The following OR4M1 variants were observed in gnomAD, a reference collection of about 807,000 sequenced individuals.
OR4M1 encodes olfactory receptor family 4 subfamily M member 1.
In OR4M1, 7 loss-of-function variants were observed where a neutral mutation model predicts 9.8. That is an observed-to-expected ratio of 0.71 (90% CI 0.41 to 1.34). OR4M1 has a LOEUF of 1.34. Ranked by LOEUF, OR4M1 falls within the 40% of genes most tolerant of loss-of-function variation. The pLI, the probability that OR4M1 is intolerant of heterozygous loss-of-function variation, is 0.01. For synonymous variants in OR4M1, 121 were observed against 139.8 expected (o/e 0.87, Z 0.95); for missense variants, 331 against 380.4 (o/e 0.87, Z 1.08).
In OR4M1 at chr14:19,780,543, C is replaced by A; in HGVS notation, c.221C>A (p.Ser74Tyr). The A allele has an allele frequency of 1.2e-6, 2 of 1,614,222 alleles. No individual in the cohort carries two copies. The highest frequency in any genetic ancestry group is 1.7e-6 in the Non-Finnish European group (2 of 1,180,026). Residue 74 changes from serine to tyrosine, a missense_variant, in exon 2 of 2, where the codon TCT (serine) becomes TAT (tyrosine). Ser to Tyr is a moderately radical substitution (Grantham distance 144, BLOSUM62 -2). This residue lies in a region of OR4M1 where 209 missense variants were observed against 200.0 expected (regional missense o/e 1.04). Coordinates refer to ENST00000641200, the MANE Select transcript of OR4M1 (RefSeq NM_001005500.2). ...CTGGCCCTCCTTGATATTTGGTACT[C>A]TTCCATTACAGCCCCTAAAATGCTC... ...ANLALLDIWY[S>Y]SITAPKMLID...
intron 1 of OR4M1, among the ~76,000 whole-genome samples, chr14:19,774,389 T>C (rs183341427): frequency 1.5e-3 from 222 of 152,202 alleles, no homozygotes; most frequent in African/African-American, 5.2e-3. Flanking sequence ...TCCATCCATC[T>C]ATCCATTTAA....
At chr14:19,779,403 A>G (rs538955658) in intron 1 of OR4M1, among the ~76,000 whole-genome samples, 1 of 152,356 alleles carries the variant, frequency 6.6e-6, no homozygotes, top group East Asian at 1.9e-4. Context: ...AGAAAAGCAT[A>G]TTTGGTAACG....
intron 1 of OR4M1, among the ~76,000 whole-genome samples, chr14:19,775,645 A>G (rs1261292226): frequency 6.8e-6 from 1 of 146,842 alleles, no homozygotes; most frequent in Non-Finnish European, 1.5e-5. Context: ...ATATATTTTA[A>G]TATACTTCAA....
chr14:19,778,948 C>T lies in OR4M1; in HGVS notation c.-29-1346C>T, dbSNP rs866787545. Among the ~76,000 whole-genome samples the T allele has an allele frequency of 3.3e-5, 5 of 152,266 alleles. No individual in the cohort carries two copies. In the South Asian group the frequency reaches 1.0e-3, roughly 32 times the overall value. ...AAATTGATCCCTTTTCTAAATAGTC[C>T]CACATTACTCAATTTCTGAGTATTT... On this transcript the variant is annotated intron_variant, in intron 1 of 1. Transcript: ENST00000641200.
intron 1 of OR4M1, among the ~76,000 whole-genome samples, chr14:19,775,653 C>A (rs117525898): frequency 7.6e-5 from 11 of 144,162 alleles, no homozygotes; most frequent in Non-Finnish European, 1.5e-4. Flanking sequence ...TAATATACTT[C>A]AATATATTCA....
rs148936935 is a variant in OR4M1, at chr14:19,780,490, T to G, written c.168T>G (p.Thr56=). 6.2e-7 allele frequency: 1 copy of G among 1,614,126 alleles called. No individual in the cohort carries two copies. Among genetic ancestry groups the G allele is most frequent in the Non-Finnish European group, 8.5e-7 (1 of 1,180,008 alleles). Residue 56 remains threonine (T), a synonymous_variant, in exon 2 of 2, where the codon ACT becomes ACG. Coordinates refer to ENST00000641200, the MANE Select transcript of OR4M1 (RefSeq NM_001005500.2). ...ICTIRLDPHL[T]SPMYFLLANL... is the part of the protein sequence containing the mutation. Reference sequence around the variant, plus strand: ...CCATCAGGCTAGACCCTCATCTGACTTCTCCTATGTATTTCCTGTTGGCTA... The same window carrying G: ...CCATCAGGCTAGACCCTCATCTGACGTCTCCTATGTATTTCCTGTTGGCTA...
At chr14:19,779,641 G>A (rs565022858) in intron 1 of OR4M1, among the ~76,000 whole-genome samples, 2 of 152,220 alleles carry the variant, frequency 1.3e-5, no homozygotes, top group Non-Finnish European at 2.9e-5. Flanking sequence ...ACTCAATGTA[G>A]TATCAGGTAT....
intron 1 of OR4M1, among the ~76,000 whole-genome samples, chr14:19,774,391 T>A (rs1412435563): frequency 5.9e-5 from 9 of 152,240 alleles, no homozygotes; most frequent in Non-Finnish European, 8.8e-5. Flanking sequence ...CATCCATCTA[T>A]CCATTTAACA....
At chr14:19,777,057 T>C (rs1878337889) in intron 1 of OR4M1, among the ~76,000 whole-genome samples, 1 of 140,158 alleles carries the variant, frequency 7.1e-6, no homozygotes. Flanking sequence ...TATTGTTTGT[T>C]TGTTTTTCCT....
At chr14:19,779,914 A>G (rs1338866148) in intron 1 of OR4M1, among the ~76,000 whole-genome samples, 4 of 152,266 alleles carry the variant, frequency 2.6e-5, no homozygotes, top group Non-Finnish European at 1.5e-5. Context: ...AATAAGATCT[A>G]GAAAAAAGAG....
chr14:19,775,740 G>A (rs1276488574), intron 1 of OR4M1, among the ~76,000 whole-genome samples: 2 of 146,390 alleles, frequency 1.4e-5, no homozygotes, highest in South Asian at 2.1e-4. Context: ...ATATATTAAT[G>A]TATATTACTA....
chr14:19,775,042 C>T (rs1878268764), intron 1 of OR4M1, among the ~76,000 whole-genome samples: 1 of 152,242 alleles, frequency 6.6e-6, no homozygotes, highest in Admixed American at 6.5e-5. Flanking sequence ...CATCCCCGCC[C>T]TCGCTTAACT....
At chr14:19,774,500 T>C (rs1425868712) in intron 1 of OR4M1, among the ~76,000 whole-genome samples, 1 of 152,250 alleles carries the variant, frequency 6.6e-6, no homozygotes, top group African/African-American at 2.4e-5. Context: ...GAGTTTCTGT[T>C]ATATTTTGCA....
chr14:19,780,909 A>C lies in OR4M1; in HGVS notation c.587A>C (p.Glu196Ala). 1 of 1,614,096 alleles carries C rather than the reference A, an allele frequency of 6.2e-7. No homozygotes were observed. The highest frequency in any genetic ancestry group is 1.7e-5 in the Admixed American group (1 of 60,012). Residue 196 changes from glutamate (E) to alanine (A), a missense_variant, in exon 2 of 2, where the codon GAG becomes GCG. By Grantham distance (107) the Glu-to-Ala change is moderately radical (BLOSUM62 -1). This residue lies in a region of OR4M1 where 122 missense variants were observed against 180.5 expected (regional missense o/e 0.68). Coordinates refer to ENST00000641200, the MANE Select transcript of OR4M1 (RefSeq NM_001005500.2). ...RIACANTFPEELVMICSSGLI... is the reference protein window; with the variant it reads ...RIACANTFPEALVMICSSGLI... ...GCCTGTGCCAACACCTTCCCAGAGG[A>C]GTTAGTGATGATCTGTAGTAGTGGT...
rs189711659 is a variant in OR4M1, at chr14:19,781,290, C to T, written c.*26C>T. On this transcript the variant is annotated 3_prime_UTR_variant, in exon 2 of 2. Coordinates refer to ENST00000641200, the MANE Select transcript of OR4M1 (RefSeq NM_001005500.2). ...AAGATAAATTATACATTTTATAGTC[C>T]TCCTGAGGATCATTGTCCTAAAGCA... 136 of 1,541,262 alleles carry T rather than the reference C, an allele frequency of 8.8e-5. No individual in the cohort carries two copies. The highest frequency in any genetic ancestry group is 2.7e-4 in the Admixed American group (15 of 55,256).
rs1441445380 is a variant in OR4M1, at chr14:19,780,744, G to T, written c.422G>T (p.Cys141Phe). 1.9e-6 allele frequency: 3 copies of T among 1,614,216 alleles called. No homozygotes were observed. The highest frequency in any genetic ancestry group is 1.6e-4 in the Middle Eastern group (1 of 6,062). ...GCTACCATCATGAATCGACGTCTCTGCTGTATCCTGGTGGCTCTCTCCTGG... is the reference window on the plus strand; with the variant it reads ...GCTACCATCATGAATCGACGTCTCTTCTGTATCCTGGTGGCTCTCTCCTGG... ...HYATIMNRRLCCILVALSWMG... is the reference protein window; with the variant it reads ...HYATIMNRRLFCILVALSWMG... Residue 141 changes from cysteine (C) to phenylalanine (F), a missense_variant, in exon 2 of 2, where the codon TGC becomes TTC. Cys to Phe is a radical substitution (Grantham distance 205). Transcript: ENST00000641200.
intron 1 of OR4M1, among the ~76,000 whole-genome samples, chr14:19,778,932 C>A (rs1878386016): frequency 6.6e-6 from 1 of 152,138 alleles, no homozygotes; most frequent in African/African-American, 2.4e-5. Context: ...GAAATTGATC[C>A]CTTTTCTAAA....
intron 1 of OR4M1, among the ~76,000 whole-genome samples, chr14:19,776,242 G>C (rs116187396): frequency 0.015 from 2,248 of 152,162 alleles, 47 homozygotes; most frequent in African/African-American, 0.052. Context: ...GGATTTTAGA[G>C]GTAGAACATT....
Position 19,780,310 on chromosome 14 carries a change from G to A in OR4M1, c.-13G>A. The A allele has an allele frequency of 1.3e-6, 2 of 1,594,100 alleles. No individual in the cohort carries two copies. The highest frequency in any genetic ancestry group is 2.2e-5 in the East Asian group (1 of 44,838). ...TTTTCATAGTTATATTATGAAAAGA[G>A]TAAATTGAAGAAATGGAAACTGCAA... On this transcript the variant is annotated 5_prime_UTR_variant, in exon 2 of 2. Coordinates refer to ENST00000641200, the MANE Select transcript of OR4M1 (RefSeq NM_001005500.2).
Sources: gnomAD v4.1 joint callset for allele counts (sites outside exome capture counted in the v4.1 genomes callset) on GRCh38, gnomAD v4.1.1 for gene constraint, gnomAD v4.1.1 regional missense constraint, MANE v1.5 for transcripts, NCBI Gene and HGNC (gene_info 2026-07-23, HGNC 2026-07-21) for gene names.